Variants in KHDRBS2 observed in about 807,000 individuals in gnomAD.
KHDRBS2 encodes KH RNA binding domain containing, signal transduction associated 2, also known as KH domain-containing, RNA-binding, signal transduction-associated protein 2.
A neutral mutation model predicts 44.3 loss-of-function variants in KHDRBS2; 26 were observed. The observed-to-expected ratio is 0.59, with a 90% CI of 0.43 to 0.81. The LOEUF (loss-of-function observed/expected upper bound fraction) is 0.81, where lower values mean the gene tolerates loss of function less well. KHDRBS2 is among the 40% of genes least tolerant of loss of function. The pLI is 0.00. For missense variants in KHDRBS2, 476 were observed against 433.1 expected (o/e 1.10, Z -0.88); for synonymous variants, 194 against 151.1 (o/e 1.28, Z -2.08).
the KHDRBS2 span, among the ~76,000 whole-genome samples, chr6:61,662,679 G>A: frequency 6.6e-6 from 1 of 152,044 alleles, no homozygotes; most frequent in Non-Finnish European, 1.5e-5. Flanking sequence ...TCAGAGAAAT[G>A]CAAATCAAAA....
the KHDRBS2 span, chr6:61,574,497 A>C: frequency 1.8e-6 from 2 of 1,093,120 alleles, no homozygotes; most frequent in Non-Finnish European, 2.5e-6. Flanking sequence ...ACCTGCATTA[A>C]AAATTTCGGC....
intron 2 of KHDRBS2, among the ~76,000 whole-genome samples, chr6:62,131,800 T>C (rs1168792409): frequency 6.6e-6 from 1 of 152,312 alleles, no homozygotes; most frequent in Admixed American, 6.5e-5. Context: ...TGGAGAGAAG[T>C]AAATGAGAAA....
chr6:61,945,326 T>A (rs1813149464), intron 4 of KHDRBS2, among the ~76,000 whole-genome samples: 1 of 151,104 alleles, frequency 6.6e-6, no homozygotes, highest in Non-Finnish European at 1.5e-5. Flanking sequence ...AAAATTTTCA[T>A]AAACAGTATT....
intron 2 of KHDRBS2, among the ~76,000 whole-genome samples, chr6:62,109,189 A>G (rs1436206663): frequency 1.3e-5 from 2 of 152,112 alleles, no homozygotes; most frequent in African/African-American, 4.8e-5. Context: ...AATTTGAAAA[A>G]TAGGCAATGT....
intron 6 of KHDRBS2, among the ~76,000 whole-genome samples, chr6:61,865,946 G>A (rs572794447): frequency 6.6e-6 from 1 of 152,336 alleles, no homozygotes; most frequent in South Asian, 2.1e-4. Flanking sequence ...CTCCAACCCT[G>A]TGGCTTTGCA....
At chr6:61,633,314 T>C in the KHDRBS2 span, among the ~76,000 whole-genome samples, 1 of 151,996 alleles carries the variant, frequency 6.6e-6, no homozygotes, top group Non-Finnish European at 1.5e-5. Flanking sequence ...AATGTCAAAA[T>C]ATGGGAAGTA....
At chr6:62,107,124 A>T in intron 2 of KHDRBS2, among the ~76,000 whole-genome samples, 1 of 151,812 alleles carries the variant, frequency 6.6e-6, no homozygotes, top group East Asian at 1.9e-4. Context: ...AATAAAGGGT[A>T]TTCAATTAGG....
chr6:62,253,874 CAG>C (rs1323440820), intron 1 of KHDRBS2, among the ~76,000 whole-genome samples: 3 of 151,870 alleles, frequency 2.0e-5, no homozygotes, highest in African/African-American at 7.2e-5. Flanking sequence ...TCTGGTATAA[CAG>C]TGGAGAATAT....
chr6:62,090,534 A>G (rs1261624644), intron 2 of KHDRBS2, among the ~76,000 whole-genome samples: 1 of 151,936 alleles, frequency 6.6e-6, no homozygotes, highest in Non-Finnish European at 1.5e-5. Context: ...ACCTCCCAAT[A>G]ACACCTAGTG....
chr6:61,982,683 A>AAC (rs1562579395), intron 3 of KHDRBS2, among the ~76,000 whole-genome samples: 2 of 151,564 alleles, frequency 1.3e-5, no homozygotes, highest in African/African-American at 4.9e-5. Flanking sequence ...AAAAAAAAAA[A>AAC]AAAAAGAACA....
At chr6:62,032,661 G>A (rs1239121841) in intron 3 of KHDRBS2, among the ~76,000 whole-genome samples, 1 of 151,738 alleles carries the variant, frequency 6.6e-6, no homozygotes, top group African/African-American at 2.4e-5. Context: ...TACAGGGCTT[G>A]GGGTACCCAC....
intron 1 of KHDRBS2, among the ~76,000 whole-genome samples, chr6:62,194,050 T>C (rs1825127019): frequency 6.6e-6 from 1 of 152,116 alleles, no homozygotes; most frequent in Non-Finnish European, 1.5e-5. Flanking sequence ...TTGATATCAT[T>C]TGCACCCACA....
chr6:61,916,965 A>ATTTTTTTTTTTTTTTTTT (rs10700035), intron 4 of KHDRBS2, among the ~76,000 whole-genome samples: 1 of 90,636 alleles, frequency 1.1e-5, no homozygotes, highest in Non-Finnish European at 2.1e-5. Context: ...GGAACTCTGT[A>ATTTTTTTTTTTTTTTTTT]TTTTTTTTTT....
At chr6:62,003,058 T>C (rs1778557450) in intron 3 of KHDRBS2, among the ~76,000 whole-genome samples, 1 of 152,096 alleles carries the variant, frequency 6.6e-6, no homozygotes, top group Non-Finnish European at 1.5e-5. Flanking sequence ...AAATTATACT[T>C]TTTTTTCCAA....
the KHDRBS2 span, among the ~76,000 whole-genome samples, chr6:61,631,305 CAAA>C: frequency 5.4e-4 from 36 of 66,992 alleles, no homozygotes; most frequent in African/African-American, 1.8e-3. Flanking sequence ...ACGAATAAGC[CAAA>C]AAAAAAAAAA....
At chr6:61,547,370 A>C in the KHDRBS2 span, among the ~76,000 whole-genome samples, 2 of 152,130 alleles carry the variant, frequency 1.3e-5, no homozygotes, top group Non-Finnish European at 2.9e-5. Context: ...TTTATTCCAT[A>C]GTGTAACCTC....
intron 5 of KHDRBS2, among the ~76,000 whole-genome samples, chr6:61,897,142 T>C (rs1803068424): frequency 6.6e-6 from 1 of 152,198 alleles, no homozygotes; most frequent in Non-Finnish European, 1.5e-5. Context: ...CAGAAGTTTC[T>C]TAACTTGCCT....
At chr6:61,939,087 C>G (rs1302376881) in intron 4 of KHDRBS2, among the ~76,000 whole-genome samples, 1 of 151,788 alleles carries the variant, frequency 6.6e-6, no homozygotes, top group Non-Finnish European at 1.5e-5. Context: ...GTAAAAGATG[C>G]TGCTAACATA....
chr6:62,162,574 A>C (rs1200594226), intron 2 of KHDRBS2, among the ~76,000 whole-genome samples: 1 of 152,098 alleles, frequency 6.6e-6, no homozygotes, highest in African/African-American at 2.4e-5. Flanking sequence ...AAACGGATCA[A>C]AATTAATGGC....
Sources: allele counts gnomAD v4.1 joint callset (sites outside exome capture counted in the v4.1 genomes callset), GRCh38; gene constraint gnomAD v4.1.1; transcripts MANE v1.5; gene names NCBI Gene and HGNC (gene_info 2026-07-23, HGNC 2026-07-21).